LRP1B: variants seen among roughly 807,000 people sequenced by gnomAD.
LRP1B encodes LDL receptor related protein 1B, also known as low-density lipoprotein receptor-related protein 1B.
A neutral mutation model predicts 556.6 loss-of-function variants in LRP1B; 217 were observed. The ratio of observed to expected loss-of-function variants is 0.39; its 90% CI spans 0.35 to 0.44. LRP1B has a LOEUF of 0.44. LRP1B is among the 20% of genes least tolerant of loss of function. The pLI is 1.00. For synonymous variants in LRP1B, 2,047 were observed against 1,865.8 expected, an observed-to-expected ratio of 1.10 and a Z score of -2.50; for missense variants, 5,053 against 5,620.8, an observed-to-expected ratio of 0.90 and a Z score of 3.23.
At chr2:140,943,428 A>G (rs1573906320) in intron 20 of LRP1B, among the ~76,000 whole-genome samples, 2 of 152,080 alleles carry the variant, frequency 1.3e-5, no homozygotes, top group Non-Finnish European at 2.9e-5. Flanking sequence ...CATTAGATTT[A>G]ATAGACATCT....
chr2:141,778,375 A>G (rs1695142662), intron 2 of LRP1B, among the ~76,000 whole-genome samples: 1 of 152,196 alleles, frequency 6.6e-6, no homozygotes, highest in Non-Finnish European at 1.5e-5. Context: ...AGCAGCAGAT[A>G]TGCTTTTGAA....
At chr2:141,540,743 A>G (rs1367280584) in intron 2 of LRP1B, among the ~76,000 whole-genome samples, 1 of 152,052 alleles carries the variant, frequency 6.6e-6, no homozygotes, top group African/African-American at 2.4e-5. Context: ...AACTTGTGCT[A>G]TTTTAGGATC....
intron 21 of LRP1B, among the ~76,000 whole-genome samples, chr2:140,914,974 G>A (rs1176235952): frequency 2.6e-5 from 4 of 152,148 alleles, no homozygotes; most frequent in Admixed American, 6.6e-5. Flanking sequence ...CGATAATGTA[G>A]AGAGGTTTAG....
At chr2:140,865,929 G>A (rs1046747690) in intron 27 of LRP1B, among the ~76,000 whole-genome samples, 26 of 152,006 alleles carry the variant, frequency 1.7e-4, no homozygotes, top group African/African-American at 5.6e-4. Flanking sequence ...TGAGAGTATC[G>A]TGGTTCTTCC....
At chr2:140,589,503 A>G (rs979887568) in intron 43 of LRP1B, among the ~76,000 whole-genome samples, 1 of 152,224 alleles carries the variant, frequency 6.6e-6, no homozygotes, top group African/African-American at 2.4e-5. Flanking sequence ...ACAGATATTC[A>G]TGAAAGCTTC....
At chr2:141,248,850 G>C (rs934430393) in intron 4 of LRP1B, among the ~76,000 whole-genome samples, 2 of 152,212 alleles carry the variant, frequency 1.3e-5, no homozygotes, top group Non-Finnish European at 2.9e-5. Context: ...TTTTATCCAA[G>C]AAATTGTCTT....
chr2:140,873,220 T>G (rs1307298899), intron 25 of LRP1B, among the ~76,000 whole-genome samples: 4 of 152,102 alleles, frequency 2.6e-5, no homozygotes, highest in Non-Finnish European at 5.9e-5. Context: ...TGTCAAAATT[T>G]GCCATAGGGG....
intron 2 of LRP1B, among the ~76,000 whole-genome samples, chr2:141,792,394 G>A (rs1225279801): frequency 1.3e-5 from 2 of 151,856 alleles, no homozygotes; most frequent in African/African-American, 4.8e-5. Context: ...CAGATGTTTG[G>A]TGACAGAAAG....
chr2:141,709,365 T>TAAATAAAATAAAATAAAATA (rs70994445), intron 2 of LRP1B, among the ~76,000 whole-genome samples: 5,989 of 147,966 alleles, frequency 0.04, 250 homozygotes, highest in African/African-American at 0.1. Context: ...TAAAAGAAAA[T>TAAATAAAATAAAATAAAATA]AAATAAAATA....
At chr2:141,796,569 C>G (rs1695818540) in intron 2 of LRP1B, among the ~76,000 whole-genome samples, 1 of 134,636 alleles carries the variant, frequency 7.4e-6, no homozygotes. Flanking sequence ...ATAGAGATAG[C>G]ATTTTATTCT....
In LRP1B at chr2:142,065,703, C is replaced by T. The variant is rs556045180; in HGVS notation, c.82+64945G>A. On this transcript the variant is annotated intron_variant, in intron 1 of 90. Transcript: ENST00000389484. ...ATTATTCTGCCTACTACATGTTACT[C>T]GTTTGGCCTCAAACTGTTTACATTT... Among the ~76,000 whole-genome samples, 3 of 151,454 alleles carry T rather than the reference C, an allele frequency of 2.0e-5. 1 individual carries two copies. In the South Asian group the frequency reaches 6.2e-4, roughly 31 times the overall value.
chr2:140,319,664 T>C (rs1258846740), intron 82 of LRP1B, among the ~76,000 whole-genome samples: 1 of 152,154 alleles, frequency 6.6e-6, no homozygotes, highest in African/African-American at 2.4e-5. Flanking sequence ...GAAAAATAAC[T>C]AATGGATACT....
intron 87 of LRP1B, among the ~76,000 whole-genome samples, chr2:140,246,663 A>G (rs944755760): frequency 6.6e-6 from 1 of 151,492 alleles, no homozygotes; most frequent in Non-Finnish European, 1.5e-5. Context: ...CAGACTAACC[A>G]ATAAAGTCTG....
At chr2:140,952,954 T>C (rs1226886547) in intron 18 of LRP1B, among the ~76,000 whole-genome samples, 2 of 151,986 alleles carry the variant, frequency 1.3e-5, no homozygotes, top group Non-Finnish European at 2.9e-5. Flanking sequence ...GCATTACAAA[T>C]CTTCACACAC....
chr2:140,761,306 A>G (rs1688912650), intron 35 of LRP1B, among the ~76,000 whole-genome samples: 1 of 152,194 alleles, frequency 6.6e-6, no homozygotes, highest in African/African-American at 2.4e-5. Flanking sequence ...TTAGAAAATA[A>G]TGTGTGGGAA....
intron 27 of LRP1B, among the ~76,000 whole-genome samples, chr2:140,854,092 G>A (rs1692542269): frequency 2.0e-5 from 3 of 146,392 alleles, no homozygotes; most frequent in Non-Finnish European, 1.5e-5. Context: ...AAATGAAGGA[G>A]AAAAGAAAAA....
At chr2:141,561,851 T>A (rs1297710484) in intron 2 of LRP1B, among the ~76,000 whole-genome samples, 1 of 151,638 alleles carries the variant, frequency 6.6e-6, no homozygotes, top group Non-Finnish European at 1.5e-5. Context: ...ATCTATATAC[T>A]GTAAGTCTTA....
chr2:140,538,967 T>G (rs976241996), intron 45 of LRP1B, among the ~76,000 whole-genome samples: 10 of 152,278 alleles, frequency 6.6e-5, no homozygotes, highest in African/African-American at 2.2e-4. Flanking sequence ...TCCTCAGGTA[T>G]GTTCATTTGA....
chr2:140,709,519 G>A (rs1686960234), intron 37 of LRP1B, among the ~76,000 whole-genome samples: 2 of 151,548 alleles, frequency 1.3e-5, no homozygotes, highest in Admixed American at 1.3e-4. Context: ...AGGAGGAGGA[G>A]TCAATGATAG....
Sources: gnomAD v4.1 joint callset for allele counts (sites outside exome capture counted in the v4.1 genomes callset) on GRCh38, gnomAD v4.1.1 for gene constraint, MANE v1.5 for transcripts, NCBI Gene and HGNC (gene_info 2026-07-23, HGNC 2026-07-21) for gene names.